Variants in EPB42 observed in about 807,000 individuals in gnomAD.
The protein encoded by EPB42 is erythrocyte membrane protein band 4.2, also known as protein 4.2.
A neutral mutation model predicts 76.9 loss-of-function variants in EPB42; 49 were observed. The observed-to-expected ratio is 0.64, with a 90% CI of 0.51 to 0.81. The LOEUF (loss-of-function observed/expected upper bound fraction) is 0.81. Among genes scored for constraint, EPB42 ranks in the 30% least tolerant of loss-of-function variants. The pLI is 0.00. For missense variants in EPB42, 731 were observed against 867.6 expected (o/e 0.84, Z 1.98); for synonymous variants, 310 against 338.4 (o/e 0.92, Z 0.92).
intron 12 of EPB42, among the ~76,000 whole-genome samples, chr15:43,198,607 GAAAA>G (rs2142253994): frequency 6.6e-6 from 1 of 152,282 alleles, no homozygotes; most frequent in African/African-American, 2.4e-5. Context: ...CAATAGAAAA[GAAAA>G]ACCCATTTTC....
intron 3 of EPB42, among the ~76,000 whole-genome samples, 198 bp downstream of exon 3, chr15:43,214,897 G>A (rs2042354342): frequency 6.6e-6 from 1 of 152,200 alleles, no homozygotes; most frequent in South Asian, 2.1e-4. Flanking sequence ...CTTCTCCCAG[G>A]GGTGACACCA....
chr15:43,208,140 C>T, intron 8 of EPB42, 90 bp downstream of exon 8: 1 of 1,146,050 alleles, frequency 8.7e-7, no homozygotes, highest in Non-Finnish European at 1.3e-6. Flanking sequence ...ATGCAGACCC[C>T]CTTGGGACTG....
chr15:43,208,134 A>C, intron 8 of EPB42, 96 bp downstream of exon 8: 1 of 1,064,940 alleles, frequency 9.4e-7, no homozygotes, highest in South Asian at 1.3e-5. Flanking sequence ...TCGAGGATGC[A>C]GACCCCCTTG....
chr15:43,205,866 C>T (rs535090282), intron 10 of EPB42: 1 of 156,914 alleles, frequency 6.4e-6, no homozygotes, highest in South Asian at 2.0e-4. Context: ...AATACCTGGA[C>T]CCCATCTCAG....
At chr15:43,220,521 A>C (rs2042440889) in intron 1 of EPB42, among the ~76,000 whole-genome samples, 1 of 151,900 alleles carries the variant, frequency 6.6e-6, no homozygotes. Context: ...GTTTACCCCA[A>C]CATGCTACCC....
chr15:43,220,661 C>CG, intron 1 of EPB42, 155 bp downstream of exon 1: 1 of 1,035,406 alleles, frequency 9.7e-7, no homozygotes, highest in Non-Finnish European at 1.4e-6. Context: ...CCCCCCCCCA[C>CG]AGCCACCTCA....
In EPB42 at chr15:43,197,404, A is replaced by G; in HGVS notation, c.1974T>C (p.His658=). Residue 658 remains histidine, a synonymous_variant, in exon 13 of 13, where the codon CAT becomes CAC. Coordinates refer to ENST00000441366, the MANE Select transcript of EPB42 (RefSeq NM_001114134.2). ...CCACAGTGAGTCTCTGGAGCCCCAC[A>G]TGTGTTGGCGTGAACTGGAACTTGG... is the stretch of plus-strand genomic sequence containing the variant. ...MCAKFQFTPT[H]VGLQRLTVEV... The G allele has an allele frequency of 6.2e-7, 1 of 1,614,110 alleles. No individual in the cohort carries two copies. Among genetic ancestry groups the G allele is most frequent in the Non-Finnish European group, 8.5e-7 (1 of 1,180,014 alleles).
Position 43,206,028 on chromosome 15 carries a change from C to G in EPB42, c.1618+302G>C. On this transcript the variant is annotated intron_variant, in intron 10 of 12. Coordinates refer to ENST00000441366, the MANE Select transcript of EPB42 (RefSeq NM_001114134.2). The surrounding 1 kb of genome is among the most constrained non-coding windows in gnomAD (Gnocchi z 4.7). ...ACAATTTATTTGGGGGCAGCTTATTCCAGCCTGGGGGGAGGTGCTCTCCTG... is the reference window on the plus strand; with the variant it reads ...ACAATTTATTTGGGGGCAGCTTATTGCAGCCTGGGGGGAGGTGCTCTCCTG... 6.3e-6 allele frequency: 2 copies of G among 317,324 alleles called. No individual in the cohort carries two copies. The highest frequency in any genetic ancestry group is 1.2e-5 in the Non-Finnish European group (2 of 171,288). 19.7% of individuals were successfully genotyped at this position (317,324 alleles called of 1,614,324 possible).
intron 10 of EPB42, among the ~76,000 whole-genome samples, chr15:43,204,142 T>C (rs2042166579): frequency 6.6e-6 from 1 of 152,202 alleles, no homozygotes; most frequent in Admixed American, 6.5e-5. Flanking sequence ...CAGGGAGGAC[T>C]AGACAGTTTG....
chr15:43,220,445 G>A (rs1399188865), intron 1 of EPB42, among the ~76,000 whole-genome samples: 3 of 151,910 alleles, frequency 2.0e-5, no homozygotes. Flanking sequence ...TGATGACCTT[G>A]GGATAAGAAT....
intron 8 of EPB42, 76 bp downstream of exon 8, chr15:43,208,154 G>A: frequency 7.5e-7 from 1 of 1,338,054 alleles, no homozygotes; most frequent in Admixed American, 1.8e-5. Flanking sequence ...GGGACTGCCT[G>A]CTGCTCCCGA....
chr15:43,208,514 A>G (rs1411190412), intron 7 of EPB42, 123 bp downstream of exon 7: 39 of 1,516,294 alleles, frequency 2.6e-5, no homozygotes, highest in Non-Finnish European at 3.2e-5. Flanking sequence ...CGCCGCCTCT[A>G]AGGGTCTTGA....
chr15:43,210,217 T>G (rs569639313), intron 5 of EPB42, 118 bp downstream of exon 5: 14 of 887,382 alleles, frequency 1.6e-5, no homozygotes, highest in Middle Eastern at 2.2e-4. Flanking sequence ...CCCCACACCC[T>G]GGGAGGAGGG....
intron 3 of EPB42, among the ~76,000 whole-genome samples, chr15:43,213,917 C>A (rs2042337516): frequency 6.6e-6 from 1 of 152,218 alleles, no homozygotes; most frequent in Non-Finnish European, 1.5e-5. Context: ...GATTTAGGTA[C>A]CACAGAGAAA....
intron 11 of EPB42, among the ~76,000 whole-genome samples, chr15:43,202,769 C>G (rs148114009): frequency 6.6e-6 from 1 of 152,096 alleles, no homozygotes; most frequent in East Asian, 1.9e-4. Flanking sequence ...ATAATGGGAA[C>G]AGTTCTACCT....
Position 43,221,005 on chromosome 15 carries a change from G to A in EPB42, c.-180C>T. 1 of 646,858 alleles carries A rather than the reference G, an allele frequency of 1.5e-6. No individual in the cohort carries two copies. The highest frequency in any genetic ancestry group is 2.8e-6 in the Non-Finnish European group (1 of 358,398). The allele number at this position is 646,858 out of a possible 1,614,324, so 40.1% of individuals were successfully genotyped here. A position where few individuals can be genotyped will look rare whatever the true frequency, so the allele number is the denominator to read the frequency against. ...ACTACTCCTGTGAGCACCCTGACATGTTTCTTCTCTCCTACTCCCTCTCTG... is the reference window on the plus strand; with the variant it reads ...ACTACTCCTGTGAGCACCCTGACATATTTCTTCTCTCCTACTCCCTCTCTG... On this transcript the variant is annotated 5_prime_UTR_variant, in exon 1 of 13. Coordinates refer to ENST00000441366, the MANE Select transcript of EPB42 (RefSeq NM_001114134.2).
rs1225915166 is a variant in EPB42, at chr15:43,208,790, G to GC, written c.833-16dup. On this transcript the variant is annotated splice_polypyrimidine_tract_variant and intron_variant, in intron 6 of 12. Transcript: ENST00000441366. Reference sequence around the variant, plus strand: ...GCATCGCAGCACTGTGAGAAGAGGGGCGGAGTGTCAGGGGGCGCTTGAGAG... The same window carrying GC: ...GCATCGCAGCACTGTGAGAAGAGGGGCCGGAGTGTCAGGGGGCGCTTGAGAG... 1.2e-6 allele frequency: 2 copies of GC among 1,613,264 alleles called. No homozygotes were observed. The highest frequency in any genetic ancestry group is 2.2e-5 in the South Asian group (2 of 91,064).
At chr15:43,220,566 C>G (rs572919891) in intron 1 of EPB42, among the ~76,000 whole-genome samples, 1 of 151,978 alleles carries the variant, frequency 6.6e-6, no homozygotes, top group African/African-American at 2.4e-5. Flanking sequence ...CCATCACCTC[C>G]GCCTCCGCCT....
In EPB42 at chr15:43,220,966, C is replaced by T; in HGVS notation, c.-141G>A. Reference sequence around the variant, plus strand: ...TGTTGGCTTAAGAATCTGGAAATAGCAAAACCTCCCCCCACTACTCCTGTG... The same window carrying T: ...TGTTGGCTTAAGAATCTGGAAATAGTAAAACCTCCCCCCACTACTCCTGTG... On this transcript the variant is annotated 5_prime_UTR_variant, in exon 1 of 13. Coordinates refer to ENST00000441366, the MANE Select transcript of EPB42 (RefSeq NM_001114134.2). 1.4e-6 allele frequency: 1 copy of T among 731,396 alleles called. No individual in the cohort carries two copies. The highest frequency in any genetic ancestry group is 2.4e-6 in the Non-Finnish European group (1 of 415,552). 45.3% of individuals were successfully genotyped at this position (731,396 alleles called of 1,614,324 possible). A position where few individuals can be genotyped will look rare whatever the true frequency, so the allele number is the denominator to read the frequency against.
Sources: gnomAD v4.1 joint callset for allele counts (sites outside exome capture counted in the v4.1 genomes callset) on GRCh38, gnomAD v4.1.1 for gene constraint, Gnocchi (gnomAD v3.1) non-coding constraint, MANE v1.5 for transcripts, NCBI Gene and HGNC (gene_info 2026-07-23, HGNC 2026-07-21) for gene names.